RANBP2: variants seen among roughly 807,000 people sequenced by gnomAD.
The protein encoded by RANBP2 is E3 SUMO-protein ligase RanBP2.
A neutral mutation model predicts 303.6 loss-of-function variants in RANBP2; 57 were observed. The observed-to-expected ratio is 0.19, with a 90% confidence interval of 0.15 to 0.23. RANBP2 has a LOEUF of 0.23. Ranked by LOEUF, RANBP2 falls within the 10% of genes least tolerant of loss-of-function variation. The pLI is 1.00. For missense variants in RANBP2, 3,138 were observed against 3,780.8 expected (o/e 0.83, Z 4.46); for synonymous variants, 1,167 against 1,301.5 (o/e 0.90, Z 2.23).
chr2:109,178,697 T>C, the RANBP2 span, among the ~76,000 whole-genome samples: 2 of 152,214 alleles, frequency 1.3e-5, no homozygotes, highest in Admixed American at 6.5e-5. Context: ...GTCAAAGTTC[T>C]TGTGTCGTTC....
At chr2:109,434,754 T>G in the RANBP2 span, among the ~76,000 whole-genome samples, 10 of 152,314 alleles carry the variant, frequency 6.6e-5, no homozygotes, top group Non-Finnish European at 1.0e-4. Context: ...GGATCCCCCC[T>G]CACAGGCCAG....
chr2:109,414,943 A>G, the RANBP2 span, among the ~76,000 whole-genome samples: 1 of 152,222 alleles, frequency 6.6e-6, no homozygotes, highest in South Asian at 2.1e-4. Flanking sequence ...GCAAACGGGA[A>G]AAGACCCTGA....
At chr2:109,442,203 C>T in the RANBP2 span, among the ~76,000 whole-genome samples, 1 of 151,268 alleles carries the variant, frequency 6.6e-6, no homozygotes, top group African/African-American at 2.4e-5. Context: ...CCCAGCTGCT[C>T]AGGAGGCTGA....
the RANBP2 span, among the ~76,000 whole-genome samples, chr2:109,744,071 T>C: frequency 3.6e-4 from 37 of 102,756 alleles, 12 homozygotes; most frequent in South Asian, 4.8e-3. Context: ...TTGTGAATAG[T>C]GCTGTGATGA....
chr2:109,111,669 A>C, the RANBP2 span, among the ~76,000 whole-genome samples: 1 of 149,846 alleles, frequency 6.7e-6, no homozygotes, highest in Admixed American at 6.7e-5. Flanking sequence ...TTTAGGGTAC[A>C]TGTGCACAAT....
chr2:109,263,717 A>G, the RANBP2 span, among the ~76,000 whole-genome samples: 3 of 152,358 alleles, frequency 2.0e-5, no homozygotes, highest in South Asian at 2.1e-4. Context: ...CTGTAATCCC[A>G]GCACTTTGGG....
chr2:108,927,509 A>C, the RANBP2 span, among the ~76,000 whole-genome samples: 1 of 152,342 alleles, frequency 6.6e-6, no homozygotes, highest in African/African-American at 2.4e-5. Flanking sequence ...CCATAGAGTC[A>C]GCCCTGGCCT....
At chr2:109,408,650 C>T in the RANBP2 span, among the ~76,000 whole-genome samples, 1 of 152,252 alleles carries the variant, frequency 6.6e-6, no homozygotes, top group Non-Finnish European at 1.5e-5. Flanking sequence ...CGCACTGGCA[C>T]TCTCAGACAG....
chr2:108,851,592 C>G, the RANBP2 span, among the ~76,000 whole-genome samples: 2 of 151,494 alleles, frequency 1.3e-5, no homozygotes, highest in South Asian at 2.1e-4. Context: ...CGTGAGCCAC[C>G]GCGCCCGGCC....
chr2:109,086,594 C>G, the RANBP2 span, among the ~76,000 whole-genome samples: 1 of 152,178 alleles, frequency 6.6e-6, no homozygotes, highest in South Asian at 2.1e-4. Flanking sequence ...TCGAGTGAGT[C>G]TTCTGCAACC....
the RANBP2 span, among the ~76,000 whole-genome samples, chr2:109,282,991 G>A: frequency 6.6e-6 from 1 of 152,204 alleles, no homozygotes; most frequent in Non-Finnish European, 1.5e-5. Context: ...CTCACGTGGA[G>A]GAAGGGGTGA....
At chr2:109,219,247 C>T in the RANBP2 span, among the ~76,000 whole-genome samples, 3 of 152,130 alleles carry the variant, frequency 2.0e-5, no homozygotes, top group Non-Finnish European at 4.4e-5. Context: ...TCTCAGACTA[C>T]CGTTTTTGCT....
rs769596202 is a variant in RANBP2, at chr2:108,755,132, C to T, written c.2383-44C>T. On this transcript the variant is annotated intron_variant, in intron 16 of 28. Transcript: ENST00000283195. ...ATTTCATTGTGAAATTGTTTCTGTT[C>T]TAAGTGTTTTAAATGCTGTTTTGTT... 6 of 1,611,734 alleles carry T rather than the reference C, an allele frequency of 3.7e-6. No individual in the cohort carries two copies. The Admixed American group carries it at 8.3e-5, about 22-fold the overall frequency.
chr2:109,129,895 G>T, the RANBP2 span: 1 of 1,513,546 alleles, frequency 6.6e-7, no homozygotes, highest in Non-Finnish European at 8.8e-7. Flanking sequence ...GCGACTGCTG[G>T]ACGGCATCCG....
the RANBP2 span, among the ~76,000 whole-genome samples, chr2:109,450,973 G>C: frequency 1.3e-5 from 2 of 152,236 alleles, no homozygotes; most frequent in Non-Finnish European, 2.9e-5. Context: ...GCCAAACCCA[G>C]CGCTGACTCG....
At chr2:109,435,677 G>C in the RANBP2 span, among the ~76,000 whole-genome samples, 1 of 152,268 alleles carries the variant, frequency 6.6e-6, no homozygotes, top group Non-Finnish European at 1.5e-5. Context: ...GCTGTCATGA[G>C]AGGCAGATGT....
At chr2:109,704,316 G>C in the RANBP2 span, among the ~76,000 whole-genome samples, 1 of 152,272 alleles carries the variant, frequency 6.6e-6, no homozygotes, top group South Asian at 2.1e-4. Flanking sequence ...GGGAGGCCGA[G>C]GTGGAAGGAT....
At chr2:109,181,558 C>A in the RANBP2 span, among the ~76,000 whole-genome samples, 1 of 152,222 alleles carries the variant, frequency 6.6e-6, no homozygotes, top group African/African-American at 2.4e-5. Flanking sequence ...GTCCATGCCA[C>A]ACTCCTACTT....
the RANBP2 span, among the ~76,000 whole-genome samples, chr2:108,857,326 C>G: frequency 6.6e-6 from 1 of 152,024 alleles, no homozygotes; most frequent in African/African-American, 2.4e-5. Flanking sequence ...GCCTCGGCCT[C>G]CCAAAGCACT....
Sources: gnomAD v4.1 joint callset for allele counts (sites outside exome capture counted in the v4.1 genomes callset) on GRCh38, gnomAD v4.1.1 for gene constraint, MANE v1.5 for transcripts, NCBI Gene and HGNC (gene_info 2026-07-23, HGNC 2026-07-21) for gene names.